Variants in PHACTR1 observed in about 807,000 individuals in gnomAD.
PHACTR1 encodes the protein RPEL repeat containing 1.
PHACTR1 carries 16 observed loss-of-function variants against 69.2 expected under a neutral mutation model. That is an observed-to-expected ratio of 0.23 (90% CI 0.16 to 0.35). PHACTR1 has a LOEUF of 0.35. Ranked by LOEUF, PHACTR1 falls within the 10% of genes least tolerant of loss-of-function variation. PHACTR1 has a pLI of 1.00. For missense variants in PHACTR1, 510 were observed against 734.7 expected, an observed-to-expected ratio of 0.69 and a Z score of 3.54; for synonymous variants, 312 against 284.5, an observed-to-expected ratio of 1.10 and a Z score of -0.97.
At chr6:12,926,574 A>T (rs1209653235) in intron 4 of PHACTR1, among the ~76,000 whole-genome samples, 1 of 152,212 alleles carries the variant, frequency 6.6e-6, no homozygotes, top group Admixed American at 6.5e-5. Context: ...CAACATCAAC[A>T]TTCACCAAAC....
Position 13,229,892 on chromosome 6 carries a change from C to T in PHACTR1, c.1235-145C>T. 6.4e-6 allele frequency: 6 copies of T among 932,064 alleles called. No individual in the cohort carries two copies. In the South Asian group the frequency reaches 1.1e-4, roughly 16 times the overall value. The allele number at this position is 932,064 out of a possible 1,614,324, so 57.7% of individuals were successfully genotyped here. ...GTAGAGTGTGTGGCAATGGCAGGAA[C>T]TCTAGGAACTGAGGCATTAACCACT... On this transcript the variant is annotated intron_variant, in intron 9 of 14. Transcript: ENST00000332995.
intron 4 of PHACTR1, among the ~76,000 whole-genome samples, chr6:12,991,075 G>A (rs1207953514): frequency 6.6e-6 from 1 of 152,172 alleles, no homozygotes; most frequent in African/African-American, 2.4e-5. Flanking sequence ...TAGGGCCATA[G>A]TTTCCAGGCT....
At chr6:13,185,363 G>C (rs372159821) in intron 7 of PHACTR1, among the ~76,000 whole-genome samples, 2 of 151,728 alleles carry the variant, frequency 1.3e-5, no homozygotes, top group South Asian at 4.2e-4. Context: ...TTCTCCATAT[G>C]AGTATGTCAA....
intron 5 of PHACTR1, among the ~76,000 whole-genome samples, chr6:13,126,140 G>C (rs367632072): frequency 1.5e-4 from 23 of 152,212 alleles, no homozygotes; most frequent in African/African-American, 5.5e-4. Flanking sequence ...AAAGAAAAAT[G>C]GTTCAAATCA....
intron 5 of PHACTR1, among the ~76,000 whole-genome samples, chr6:13,057,763 A>G (rs1278155933): frequency 2.6e-5 from 4 of 152,184 alleles, no homozygotes; most frequent in Non-Finnish European, 5.9e-5. Flanking sequence ...CTCAATTTTG[A>G]CATCAACGAT....
intron 5 of PHACTR1, among the ~76,000 whole-genome samples, chr6:13,098,436 T>C (rs775902591): frequency 6.6e-6 from 1 of 152,166 alleles, no homozygotes; most frequent in East Asian, 1.9e-4. Context: ...TGGGACTCCC[T>C]CTTTTGAGGA....
intron 6 of PHACTR1, among the ~76,000 whole-genome samples, chr6:13,167,792 T>C (rs546520841): frequency 5.2e-4 from 79 of 152,356 alleles, no homozygotes; most frequent in African/African-American, 1.9e-3. Flanking sequence ...GGTGTTATTT[T>C]TAATTATAAA....
intron 4 of PHACTR1, among the ~76,000 whole-genome samples, chr6:12,956,280 T>C (rs1582685285): frequency 6.6e-6 from 1 of 152,156 alleles, no homozygotes; most frequent in East Asian, 1.9e-4. Flanking sequence ...AAAAAGCAAA[T>C]GGGCTGGAGT....
intron 6 of PHACTR1, among the ~76,000 whole-genome samples, chr6:13,172,062 C>T (rs541670183): frequency 5.9e-5 from 9 of 152,248 alleles, no homozygotes; most frequent in East Asian, 3.9e-4. Context: ...CCACCACGCC[C>T]GGTCAACTCT....
At chr6:13,092,851 C>CT (rs1813516538) in intron 5 of PHACTR1, among the ~76,000 whole-genome samples, 1 of 152,238 alleles carries the variant, frequency 6.6e-6, no homozygotes, top group Admixed American at 6.5e-5. Context: ...AAGACTGATG[C>CT]TTTTTGCCTT....
At chr6:13,041,167 C>T (rs748608699) in intron 4 of PHACTR1, among the ~76,000 whole-genome samples, 3 of 151,966 alleles carry the variant, frequency 2.0e-5, no homozygotes, top group South Asian at 2.1e-4. Context: ...AAAAATAATA[C>T]GACATTTACC....
At chr6:13,151,821 G>C (rs546931480) in intron 5 of PHACTR1, among the ~76,000 whole-genome samples, 57 of 152,258 alleles carry the variant, frequency 3.7e-4, no homozygotes, top group Non-Finnish European at 7.1e-4. Context: ...TGGATTTGAT[G>C]AGTTAGCCTA....
Position 12,879,113 on chromosome 6 carries a change from G to A in PHACTR1, c.250+129323G>A, listed in dbSNP as rs141730491. ...TCTCAAGCAGGCTGGTTTTGCTCCC[G>A]TGGAGTGTATTGCAGAGGCTATTGC... On this transcript the variant is annotated intron_variant, in intron 4 of 14. Coordinates refer to ENST00000332995, the MANE Select transcript of PHACTR1 (RefSeq NM_030948.6). Among the ~76,000 whole-genome samples the A allele has an allele frequency of 2.0e-3, 309 of 152,276 alleles. 1 individual carries two copies. Among genetic ancestry groups the A allele is most frequent in the African/African-American group, 7.0e-3 (290 of 41,544 alleles).
chr6:12,723,086 C>T (rs1762326625), intron 3 of PHACTR1, among the ~76,000 whole-genome samples: 1 of 152,142 alleles, frequency 6.6e-6, no homozygotes. Context: ...AAATTAACAT[C>T]ATGAGATTTT....
rs115326265 is a variant in PHACTR1 at position 12,883,857 on chromosome 6, C to T, written c.250+134067C>T. Among the ~76,000 whole-genome samples the T allele has an allele frequency of 3.5e-3, 528 of 152,292 alleles. 5 individuals carry two copies. The highest frequency in any genetic ancestry group is 0.012 in the African/African-American group (490 of 41,542). ...CACTAGTACCAGTCCTTTGGCCTTA[C>T]TAGGTATTGTCTTATAAGATTCCAG... is the stretch of plus-strand genomic sequence containing the variant. On this transcript the variant is annotated intron_variant, in intron 4 of 14. Coordinates refer to ENST00000332995, the MANE Select transcript of PHACTR1 (RefSeq NM_030948.6).
chr6:12,848,309 A>G (rs971255512), intron 4 of PHACTR1, among the ~76,000 whole-genome samples: 3 of 152,232 alleles, frequency 2.0e-5, no homozygotes, highest in African/African-American at 7.2e-5. Flanking sequence ...ACTCTTACCA[A>G]TATACATATA....
At position 13,185,363 on chromosome 6, in the gene PHACTR1, G is replaced by A. The variant is rs372159821; in HGVS notation, c.664+2677G>A. 5.3e-5 allele frequency among the ~76,000 whole-genome samples: 8 copies of A among 151,728 alleles called. No homozygotes were observed. In the East Asian group the frequency reaches 1.2e-3, roughly 22 times the overall value. ...ATAAAGAATAGTGCCTTCTCCATAT[G>A]AGTATGTCAAGGTTTTAAATTTTTT... On this transcript the variant is annotated intron_variant, in intron 7 of 14. Transcript: ENST00000332995.
intron 5 of PHACTR1, among the ~76,000 whole-genome samples, chr6:13,095,877 A>T (rs1312233406): frequency 6.8e-6 from 1 of 147,694 alleles, no homozygotes; most frequent in Non-Finnish European, 1.5e-5. Context: ...TTATGTGTTA[A>T]GTCATGAAGT....
chr6:12,939,696 G>A (rs1039074176), intron 4 of PHACTR1, among the ~76,000 whole-genome samples: 2 of 151,964 alleles, frequency 1.3e-5, no homozygotes, highest in East Asian at 1.9e-4. Context: ...AAAGAGAACC[G>A]AGACCCCAGG....
Sources: allele counts gnomAD v4.1 joint callset (sites outside exome capture counted in the v4.1 genomes callset), GRCh38; gene constraint gnomAD v4.1.1; transcripts MANE v1.5; gene names NCBI Gene and HGNC (gene_info 2026-07-23, HGNC 2026-07-21).